EML1: variants seen among roughly 807,000 people sequenced by gnomAD.
The protein encoded by EML1 is echinoderm microtubule-associated protein-like 1.
Under a neutral mutation model 110.4 loss-of-function variants are expected in EML1, and 27 were observed. That is an observed-to-expected ratio of 0.24 (90% confidence interval 0.18 to 0.34). The LOEUF (loss-of-function observed/expected upper bound fraction) is 0.34, where lower values mean the gene tolerates loss of function less well. Ranked by LOEUF, EML1 falls within the 10% of genes least tolerant of loss-of-function variation. EML1 has a pLI of 1.00. For synonymous variants in EML1, 344 were observed against 385.8 expected, an observed-to-expected ratio of 0.89 and a Z score of 1.27; for missense variants, 741 against 1,030.9, an observed-to-expected ratio of 0.72 and a Z score of 3.85.
chr14:99,911,353 T>G, intron 12 of EML1, 69 bp from the exon 13 acceptor site: 438 of 1,507,986 alleles, frequency 2.9e-4, no homozygotes, highest in Non-Finnish European at 3.5e-4. Flanking sequence ...CTAAGTCAGA[T>G]GAGATTAGAA....
chr14:99,876,645 C>G (rs1012866818), intron 3 of EML1, among the ~76,000 whole-genome samples: 10 of 152,284 alleles, frequency 6.6e-5, no homozygotes, highest in Admixed American at 3.9e-4. Context: ...AGCTGTCTCG[C>G]GTGTTGCAGG....
At chr14:99,748,955 T>A (rs950301618) in intron 1 of EML1, among the ~76,000 whole-genome samples, 1 of 152,230 alleles carries the variant, frequency 6.6e-6, no homozygotes, top group Non-Finnish European at 1.5e-5. Flanking sequence ...TAGGAAACAT[T>A]TTTGGGTTCA....
intron 1 of EML1, among the ~76,000 whole-genome samples, chr14:99,740,383 G>A (rs2057028257): frequency 6.6e-6 from 1 of 152,198 alleles, no homozygotes; most frequent in African/African-American, 2.4e-5. Flanking sequence ...ATTTTGTGGG[G>A]CTTTTTGGCT....
intron 2 of EML1, among the ~76,000 whole-genome samples, chr14:99,855,254 T>C (rs1264842002): frequency 6.6e-6 from 1 of 152,260 alleles, no homozygotes; most frequent in Non-Finnish European, 1.5e-5. Context: ...ACGGGTTTTT[T>C]CCTGAGTAAT....
intron 1 of EML1, among the ~76,000 whole-genome samples, chr14:99,800,880 C>T (rs2057862837): frequency 6.6e-6 from 1 of 152,180 alleles, no homozygotes; most frequent in South Asian, 2.1e-4. Context: ...CAGGTTCGAC[C>T]TATAGACTTG....
At chr14:99,919,334 A>G (rs1027095337) in intron 16 of EML1, among the ~76,000 whole-genome samples, 1 of 152,104 alleles carries the variant, frequency 6.6e-6, no homozygotes, top group Non-Finnish European at 1.5e-5. Context: ...GGTCATAGGT[A>G]GCAATATCTT....
At chr14:99,786,664 C>G (rs552399814) in intron 1 of EML1, among the ~76,000 whole-genome samples, 1 of 152,176 alleles carries the variant, frequency 6.6e-6, no homozygotes. Context: ...GTCTGAGAGT[C>G]GCGAAGAGGA....
At chr14:99,743,635 C>T (rs998886791) in intron 1 of EML1, among the ~76,000 whole-genome samples, 2 of 152,156 alleles carry the variant, frequency 1.3e-5, no homozygotes, top group Non-Finnish European at 2.9e-5. Context: ...GGCAGGGCCC[C>T]GGTACCTTCT....
intron 17 of EML1, among the ~76,000 whole-genome samples, chr14:99,928,826 A>C (rs1407805436): frequency 6.6e-6 from 1 of 152,170 alleles, no homozygotes; most frequent in East Asian, 1.9e-4. Flanking sequence ...CTAAACAGAC[A>C]ACTGCTCAGC....
chr14:99,744,933 G>A (rs967411706), intron 1 of EML1, among the ~76,000 whole-genome samples: 4 of 152,170 alleles, frequency 2.6e-5, no homozygotes, highest in Non-Finnish European at 4.4e-5. Context: ...AGAAGGAAAT[G>A]ATTTTTGAAT....
At chr14:99,782,200 G>C (rs986606445) in intron 1 of EML1, among the ~76,000 whole-genome samples, 2 of 152,028 alleles carry the variant, frequency 1.3e-5, no homozygotes, top group African/African-American at 4.8e-5. Flanking sequence ...CCATTGAAGA[G>C]GTGGCTGCTC....
chr14:99,926,671 G>T (rs1174688663), intron 17 of EML1, among the ~76,000 whole-genome samples: 1 of 152,128 alleles, frequency 6.6e-6, no homozygotes, highest in Non-Finnish European at 1.5e-5. Context: ...GTACTCACAG[G>T]TGTGATCACA....
intron 20 of EML1, 68 bp downstream of exon 20, chr14:99,937,980 G>A: frequency 6.7e-7 from 1 of 1,497,666 alleles, no homozygotes; most frequent in East Asian, 2.3e-5. Flanking sequence ...TTCTTCAGTT[G>A]CTACGGAGTC....
intron 1 of EML1, among the ~76,000 whole-genome samples, chr14:99,813,299 A>C (rs1449193960): frequency 6.6e-6 from 1 of 152,228 alleles, no homozygotes; most frequent in Non-Finnish European, 1.5e-5. Context: ...CTTTTTAATC[A>C]TTATCTTCAA....
chr14:99,902,251 G>A (rs923400999), intron 9 of EML1, among the ~76,000 whole-genome samples: 30 of 152,152 alleles, frequency 2.0e-4, no homozygotes, highest in African/African-American at 7.0e-4. Flanking sequence ...TAAGTAAGAA[G>A]GCTTTTTATT....
chr14:99,824,364 T>C (rs1474550060), intron 1 of EML1, among the ~76,000 whole-genome samples: 1 of 150,938 alleles, frequency 6.6e-6, no homozygotes, highest in Non-Finnish European at 1.5e-5. Context: ...ATCACGTTTT[T>C]ATTAGGGAAA....
At chr14:99,849,768 G>A (rs1370337731) in intron 1 of EML1, among the ~76,000 whole-genome samples, 1 of 151,894 alleles carries the variant, frequency 6.6e-6, no homozygotes, top group South Asian at 2.1e-4. Context: ...GGCTGGTCTC[G>A]AACACCTGAC....
chr14:99,808,114 A>G (rs1423071497), intron 1 of EML1, among the ~76,000 whole-genome samples: 3 of 152,098 alleles, frequency 2.0e-5, no homozygotes, highest in South Asian at 2.1e-4. Flanking sequence ...ATTATGATAC[A>G]TACCCCTCTG....
chr14:99,891,402 GA>G (rs1486258874), intron 5 of EML1, among the ~76,000 whole-genome samples, 175 bp downstream of exon 5: 1 of 152,270 alleles, frequency 6.6e-6, no homozygotes, highest in Middle Eastern at 3.4e-3. Context: ...TAGTGACAGC[GA>G]GACTGCCTTT....
Sources: gnomAD v4.1 joint callset for allele counts (sites outside exome capture counted in the v4.1 genomes callset) on GRCh38, gnomAD v4.1.1 for gene constraint, MANE v1.5 for transcripts, NCBI Gene and HGNC (gene_info 2026-07-23, HGNC 2026-07-21) for gene names.